The following NRXN3 variants were observed in gnomAD, a reference collection of about 807,000 sequenced individuals.
NRXN3 encodes neurexin III.
In NRXN3, 32 loss-of-function variants were observed where a neutral mutation model predicts 137.6. That is an observed-to-expected ratio of 0.23 (90% CI 0.18 to 0.31). The LOEUF is 0.31. NRXN3 is among the 10% of genes least tolerant of loss of function. The pLI is 1.00. For missense variants in NRXN3, 1,574 were observed against 2,062.5 expected (o/e 0.76, Z 4.59); for synonymous variants, 798 against 784.5 (o/e 1.02, Z -0.29).
intron 16 of NRXN3, among the ~76,000 whole-genome samples, chr14:79,482,108 G>T (rs1488237357): frequency 6.6e-6 from 1 of 152,174 alleles, no homozygotes; most frequent in Non-Finnish European, 1.5e-5. Context: ...CTGCATCTTA[G>T]CATAATTCAG....
rs893542763 is a variant in NRXN3 at position 78,616,951 on chromosome 14, A to T, written c.758-28169A>T. Among the ~76,000 whole-genome samples the T allele has an allele frequency of 2.6e-5, 4 of 152,304 alleles. No homozygotes were observed. In the East Asian group the frequency reaches 5.8e-4, roughly 22 times the overall value. Reference sequence around the variant, plus strand: ...TAATATTAGGATATTACTGTCCCCAAGTTGCATTATCGACTTCCTGGCTTT... The same window carrying T: ...TAATATTAGGATATTACTGTCCCCATGTTGCATTATCGACTTCCTGGCTTT... On this transcript the variant is annotated intron_variant, in intron 4 of 20. Transcript: ENST00000335750.
intron 19 of NRXN3, among the ~76,000 whole-genome samples, chr14:79,728,456 G>A (rs1405380594): frequency 6.6e-6 from 1 of 152,168 alleles, no homozygotes; most frequent in East Asian, 1.9e-4. Flanking sequence ...TTCCTCTCAT[G>A]AGGAGAAGGT....
chr14:78,751,749 T>C (rs1305838189), intron 8 of NRXN3, among the ~76,000 whole-genome samples: 1 of 152,098 alleles, frequency 6.6e-6, no homozygotes, highest in Non-Finnish European at 1.5e-5. Flanking sequence ...GTGAGTCTTC[T>C]CCATAGACCG....
chr14:78,614,961 A>T (rs1296224329), intron 4 of NRXN3: 1 of 456,496 alleles, frequency 2.2e-6, no homozygotes, highest in Admixed American at 2.3e-5. Context: ...CTGCCGTGGG[A>T]TGGTGTTAGG....
chr14:79,028,307 A>C (rs757061904), intron 15 of NRXN3, among the ~76,000 whole-genome samples: 1 of 152,108 alleles, frequency 6.6e-6, no homozygotes, highest in Non-Finnish European at 1.5e-5. Context: ...AATTACTTCT[A>C]CCATTACAGC....
intron 1 of NRXN3, among the ~76,000 whole-genome samples, chr14:78,197,226 G>C (rs1025179586): frequency 6.6e-6 from 1 of 152,204 alleles, no homozygotes; most frequent in Non-Finnish European, 1.5e-5. Flanking sequence ...GCTCAGTGGC[G>C]TGCATGCATA....
chr14:79,130,376 G>A (rs1385265067), intron 15 of NRXN3, among the ~76,000 whole-genome samples: 2 of 151,722 alleles, frequency 1.3e-5, no homozygotes, highest in Non-Finnish European at 2.9e-5. Flanking sequence ...CAGGCCTGGT[G>A]GTGACAAAAT....
chr14:79,064,429 G>A (rs2099678103), intron 15 of NRXN3, among the ~76,000 whole-genome samples: 1 of 152,012 alleles, frequency 6.6e-6, no homozygotes, highest in African/African-American at 2.4e-5. Context: ...GAAAGTTGAG[G>A]AAGAACAGTA....
chr14:78,907,155 G>T (rs1268970735), intron 10 of NRXN3, among the ~76,000 whole-genome samples: 1 of 151,912 alleles, frequency 6.6e-6, no homozygotes, highest in Non-Finnish European at 1.5e-5. Flanking sequence ...TATTGAAATT[G>T]GATTGCATAT....
Position 79,605,574 on chromosome 14 carries a change from G to A in NRXN3, c.3445-58204G>A, listed in dbSNP as rs569130825. ...ATGATGTCAGCTCACTGCAACCTCCGCCTCCCAGGTTCAAGCAATTCTCCT... is the reference window on the plus strand; with the variant it reads ...ATGATGTCAGCTCACTGCAACCTCCACCTCCCAGGTTCAAGCAATTCTCCT... On this transcript the variant is annotated intron_variant, in intron 16 of 20. Transcript: ENST00000335750. Among the ~76,000 whole-genome samples, 551 of 152,030 alleles carry A rather than the reference G, an allele frequency of 3.6e-3. 1 individual carries two copies. The highest frequency in any genetic ancestry group is 0.013 in the African/African-American group (528 of 41,484).
chr14:78,833,278 C>T (rs2098987413), intron 10 of NRXN3, among the ~76,000 whole-genome samples: 1 of 152,172 alleles, frequency 6.6e-6, no homozygotes, highest in Non-Finnish European at 1.5e-5. Context: ...TGAGTGACCT[C>T]TTCCTTCAGG....
At chr14:79,482,393 C>G (rs1186912425) in intron 16 of NRXN3, among the ~76,000 whole-genome samples, 3 of 152,086 alleles carry the variant, frequency 2.0e-5, no homozygotes, top group African/African-American at 7.2e-5. Context: ...TATCATTAAC[C>G]AAAATGTCAC....
In NRXN3 at chr14:79,129,351, G is replaced by A. The variant is rs544888211; in HGVS notation, c.3262+141210G>A. On this transcript the variant is annotated intron_variant, in intron 15 of 20. Coordinates refer to ENST00000335750, the MANE Select transcript of NRXN3 (RefSeq NM_001330195.2). The stretch of plus-strand genomic sequence containing the variant: ...TTTCCCTCTACACACTGCTTTGAAT[G>A]CGTCCCAGAGATTCTGGTATGTTGT... 7.2e-3 allele frequency among the ~76,000 whole-genome samples: 1,075 copies of A among 149,078 alleles called. 10 individuals carry two copies. The highest frequency in any genetic ancestry group is 0.025 in the African/African-American group (1,008 of 39,730).
At chr14:79,806,938 TTATATA>T (rs1296037210) in intron 20 of NRXN3, among the ~76,000 whole-genome samples, 1,138 of 58,034 alleles carry the variant, frequency 0.02, 23 homozygotes, top group South Asian at 0.04. Flanking sequence ...GGCTTTAATT[TTATATA>T]TATATATATA....
chr14:79,022,684 A>G (rs764745943), intron 15 of NRXN3, among the ~76,000 whole-genome samples: 4 of 152,152 alleles, frequency 2.6e-5, no homozygotes, highest in Non-Finnish European at 5.9e-5. Flanking sequence ...GATTGGTTGC[A>G]GCAGCATTTG....
chr14:79,419,442 A>G (rs2095544476), intron 15 of NRXN3, among the ~76,000 whole-genome samples: 1 of 152,218 alleles, frequency 6.6e-6, no homozygotes, highest in African/African-American at 2.4e-5. Flanking sequence ...TTTCTGTGCT[A>G]AAAATGCAAA....
chr14:78,785,959 T>C (rs565199867), intron 8 of NRXN3, among the ~76,000 whole-genome samples: 1 of 152,300 alleles, frequency 6.6e-6, no homozygotes, highest in African/African-American at 2.4e-5. Context: ...AAATCTGAAA[T>C]ATGCTGTTTA....
chr14:79,803,523 G>T (rs1459292262), intron 19 of NRXN3, among the ~76,000 whole-genome samples: 1 of 151,926 alleles, frequency 6.6e-6, no homozygotes, highest in Non-Finnish European at 1.5e-5. Flanking sequence ...CTTTTTAGAG[G>T]GACACAAGTC....
At chr14:79,068,584 T>C (rs2099683652) in intron 15 of NRXN3, among the ~76,000 whole-genome samples, 1 of 152,112 alleles carries the variant, frequency 6.6e-6, no homozygotes, top group Admixed American at 6.6e-5. Context: ...AAGTCTCCAC[T>C]TGTCACTTGA....
Sources: gnomAD v4.1 joint callset for allele counts (sites outside exome capture counted in the v4.1 genomes callset) on GRCh38, gnomAD v4.1.1 for gene constraint, MANE v1.5 for transcripts, NCBI Gene and HGNC (gene_info 2026-07-23, HGNC 2026-07-21) for gene names.